The following EP300 variants were observed in gnomAD, a reference collection of about 807,000 sequenced individuals.
The protein encoded by EP300 is EP300 lysine acetyltransferase.
Under a neutral mutation model 264.0 loss-of-function variants are expected in EP300, and 31 were observed. The observed-to-expected ratio is 0.12, with a 90% CI of 0.09 to 0.16. The LOEUF (loss-of-function observed/expected upper bound fraction) is 0.16. Among genes scored for constraint, EP300 ranks in the 10% least tolerant of loss-of-function variants. EP300 has a pLI of 1.00. For synonymous variants in EP300, 1,340 were observed against 1,045.4 expected (o/e 1.28, Z -5.44); for missense variants, 2,766 against 3,052.9 (o/e 0.91, Z 2.21).
At chr22:41,124,197 A>G (rs2058868081) in intron 2 of EP300, among the ~76,000 whole-genome samples, 1 of 152,268 alleles carries the variant, frequency 6.6e-6, no homozygotes, top group Non-Finnish European at 1.5e-5. Context: ...GTGAGCCGAA[A>G]TTGCACCACT....
Position 41,172,618 on chromosome 22 carries a change from A to G in EP300, c.4572A>G (p.Glu1524=), listed in dbSNP as rs2059177112. 3 of 1,613,958 alleles carry G rather than the reference A, an allele frequency of 1.9e-6. No individual in the cohort carries two copies. The highest frequency in any genetic ancestry group is 1.3e-5 in the African/African-American group (1 of 74,942). The change falls in exon 28 of 31, where the codon GAA becomes GAG. Residue 1524 remains glutamate, a synonymous_variant. Coordinates refer to ENST00000263253, the MANE Select transcript of EP300 (RefSeq NM_001429.4). ...EESIKELEQE[E]EERKREENTS... ...GCATTAAGGAACTGGAACAGGAGGA[A>G]GAAGAGAGAAAACGAGAGGAAAACA...
At chr22:41,119,002 A>AT (rs1226207463) in intron 2 of EP300, among the ~76,000 whole-genome samples, 1 of 128,054 alleles carries the variant, frequency 7.8e-6, no homozygotes, top group Non-Finnish European at 1.7e-5. Context: ...CACCCCCGCC[A>AT]CCTTTTTTTT....
At chr22:41,136,813 A>G (rs986985706) in intron 7 of EP300, among the ~76,000 whole-genome samples, 2 of 152,108 alleles carry the variant, frequency 1.3e-5, no homozygotes, top group African/African-American at 4.8e-5. Flanking sequence ...TAATCCCAGC[A>G]CTTTGGGAGG....
chr22:41,178,156 C>T lies in EP300; in HGVS notation c.6445C>T (p.Gln2149Ter). 1 of 1,614,072 alleles carries T rather than the reference C, an allele frequency of 6.2e-7. No homozygotes were observed. Among genetic ancestry groups the T allele is most frequent in the Non-Finnish European group, 8.5e-7 (1 of 1,179,962 alleles). Residue 2149 changes from glutamine to a stop codon, truncating the protein, a stop_gained, in exon 31 of 31, where the codon CAA (glutamine) becomes TAA (stop). Transcript: ENST00000263253. LOFTEE classifies it high-confidence loss of function. ...GVQRAGLPQQQPQQQLQPPMG... is the reference protein window; with the variant it reads ...GVQRAGLPQQ The stretch of plus-strand genomic sequence containing the variant: ...TCAGAGGGCTGGCCTGCCCCAGCAG[C>T]AACCACAGCAGCAACTCCAGCCACC...
chr22:41,112,508 CTT>C (rs1367544093), intron 1 of EP300, among the ~76,000 whole-genome samples: 1 of 152,060 alleles, frequency 6.6e-6, no homozygotes, highest in African/African-American at 2.4e-5. Flanking sequence ...CAAGATGAAT[CTT>C]ATATTTTCTT....
rs1054937429 is a variant in EP300 at position 41,174,105 on chromosome 22, C to G, written c.4779+321C>G. ...AGCCTGGGCAACAAGAGCGAAACTC[C>G]ACCTCAGAAAAAGAAATAAGAAATG... On this transcript the variant is annotated intron_variant, in intron 29 of 30. Coordinates refer to ENST00000263253, the MANE Select transcript of EP300 (RefSeq NM_001429.4). 4.6e-5 allele frequency among the ~76,000 whole-genome samples: 7 copies of G among 151,432 alleles called. No individual in the cohort carries two copies. The Admixed American group carries it at 4.7e-4, about 10-fold the overall frequency.
intron 1 of EP300, among the ~76,000 whole-genome samples, chr22:41,116,813 C>T (rs1166857754): frequency 6.6e-6 from 1 of 152,120 alleles, no homozygotes; most frequent in Non-Finnish European, 1.5e-5. Context: ...GTAATCCCAG[C>T]ACTTTGGAAG....
At chr22:41,166,198 C>T (rs1293820545) in intron 22 of EP300, among the ~76,000 whole-genome samples, 1 of 152,176 alleles carries the variant, frequency 6.6e-6, no homozygotes, top group Admixed American at 6.5e-5. Flanking sequence ...CAAGAAACTA[C>T]TTAGGAGACA....
chr22:41,141,026 T>C (rs2058979264), intron 9 of EP300, 22 bp from the exon 10 acceptor site: 4 of 1,612,036 alleles, frequency 2.5e-6, no homozygotes, highest in Non-Finnish European at 2.5e-6. Flanking sequence ...ATCTCCCTTA[T>C]TTTACTTCAA....
intron 1 of EP300, among the ~76,000 whole-genome samples, chr22:41,101,055 A>T (rs565596169): frequency 1.3e-4 from 20 of 152,186 alleles, no homozygotes; most frequent in African/African-American, 4.8e-4. Flanking sequence ...TGGCTTCTTG[A>T]TAAAGAACTG....
chr22:41,136,580 G>A (rs1254672758), intron 7 of EP300, among the ~76,000 whole-genome samples: 1 of 152,072 alleles, frequency 6.6e-6, no homozygotes, highest in Non-Finnish European at 1.5e-5. Flanking sequence ...AGGAGCACTT[G>A]AGGCTGGGAG....
chr22:41,134,815 A>C (rs1039601773), intron 6 of EP300, among the ~76,000 whole-genome samples: 1 of 152,198 alleles, frequency 6.6e-6, no homozygotes. Flanking sequence ...TAACATGTAC[A>C]GCGGTAATGG....
intron 21 of EP300, 55 bp downstream of exon 21, chr22:41,162,834 C>T: frequency 6.8e-7 from 1 of 1,477,698 alleles, no homozygotes; most frequent in Non-Finnish European, 9.5e-7. Context: ...TTTTCCCTTT[C>T]ATTCTCTTGA....
chr22:41,163,224 A>T (rs2059116967), intron 21 of EP300, among the ~76,000 whole-genome samples: 1 of 150,800 alleles, frequency 6.6e-6, no homozygotes. Context: ...TCACGAGGTC[A>T]GGAGATCGAG....
chr22:41,133,707 CT>C (rs2058933606), intron 6 of EP300, among the ~76,000 whole-genome samples: 1 of 152,134 alleles, frequency 6.6e-6, no homozygotes, highest in South Asian at 2.1e-4. Context: ...CTGCTGTGTT[CT>C]GTTGCTCCCA....
chr22:41,177,126 C>G lies in EP300; in HGVS notation c.5415C>G (p.Phe1805Leu). 6.2e-7 allele frequency: 1 copy of G among 1,614,136 alleles called. No homozygotes were observed. Among genetic ancestry groups the G allele is most frequent in the Non-Finnish European group, 8.5e-7 (1 of 1,180,010 alleles). Residue 1805 changes from phenylalanine to leucine, a missense_variant, in exon 31 of 31, where the codon TTC (phenylalanine) becomes TTG (leucine). Physicochemically the swap from Phe to Leu is conservative, Grantham distance 22 (BLOSUM62 0). Coordinates refer to ENST00000263253, the MANE Select transcript of EP300 (RefSeq NM_001429.4). ...AGGAGAACAAATGCCCGGTGCCGTT[C>G]TGCCTAAACATCAAGCAGAAGCTCC... ...HCQENKCPVPFCLNIKQKLRQ... is the reference protein window; with the variant it reads ...HCQENKCPVPLCLNIKQKLRQ...
At position 41,150,081 on chromosome 22, in the gene EP300, A is replaced by T; in HGVS notation, c.2700A>T (p.Ser900=). The change falls in exon 14 of 31, where the codon TCA becomes TCT. Residue 900 remains serine, a synonymous_variant. Transcript: ENST00000263253. ...TTQLPQQVQP[S]LPAAPSADQP... is the part of the protein sequence containing the mutation. ...AACTTCCCCAACAAGTGCAGCCTTC[A>T]CTTCCTGCTGCACCTTCTGCTGACC... The T allele has an allele frequency of 6.2e-7, 1 of 1,613,716 alleles. No individual in the cohort carries two copies. The highest frequency in any genetic ancestry group is 8.5e-7 in the Non-Finnish European group (1 of 1,180,026).
chr22:41,140,620 A>G (rs2058976783), intron 9 of EP300, among the ~76,000 whole-genome samples: 1 of 152,094 alleles, frequency 6.6e-6, no homozygotes, highest in Non-Finnish European at 1.5e-5. Context: ...CAGCCCGGGC[A>G]ACATAGCAAA....
In EP300 at chr22:41,179,804, GGAT is replaced by G. The variant is rs2059230583; in HGVS notation, c.*852_*854del. ...AAGAGGGTAAGAAACGATTCCGGTG[GGAT>G]GATTTTAACATGCAAAATGTCCCTG... On this transcript the variant is annotated 3_prime_UTR_variant, in exon 31 of 31. Coordinates refer to ENST00000263253, the MANE Select transcript of EP300 (RefSeq NM_001429.4). 5 of 227,122 alleles carry G rather than the reference GGAT, an allele frequency of 2.2e-5. No individual in the cohort carries two copies. The highest frequency in any genetic ancestry group is 4.4e-5 in the Non-Finnish European group (5 of 114,734). 14.1% of individuals were successfully genotyped at this position (227,122 alleles called of 1,614,324 possible).
Sources: gnomAD v4.1 joint callset for allele counts (sites outside exome capture counted in the v4.1 genomes callset) on GRCh38, gnomAD v4.1.1 for gene constraint, MANE v1.5 for transcripts, NCBI Gene and HGNC (gene_info 2026-07-23, HGNC 2026-07-21) for gene names.